Variants in RGN observed in about 807,000 individuals in gnomAD.
RGN encodes epididymis secretory protein Li 41.
Under a neutral mutation model 20.6 loss-of-function variants are expected in RGN, and 19 were observed. The ratio of observed to expected loss-of-function variants is 0.92; its 90% CI spans 0.64 to 1.35. The LOEUF is 1.35. RGN is among the 40% of genes most tolerant of loss of function. RGN has a pLI of 0.00. For missense variants in RGN, 302 were observed against 232.7 expected, an observed-to-expected ratio of 1.30 and a Z score of -1.94; for synonymous variants, 85 against 87.2, an observed-to-expected ratio of 0.97 and a Z score of 0.14.
intron 3 of RGN, among the ~76,000 whole-genome samples, chrX:47,081,606 G>C: frequency 1.8e-5 from 2 of 109,820 alleles, no homozygotes; most frequent in Non-Finnish European, 3.8e-5. Flanking sequence ...GGAGTGCCAT[G>C]GTGTGATCAC....
At chrX:47,089,528 ACT>A (rs1930806753) in intron 4 of RGN, among the ~76,000 whole-genome samples, 1 of 37,634 alleles carries the variant, frequency 2.7e-5, no homozygotes, top group Non-Finnish European at 4.8e-5. Context: ...TATTATATAT[ACT>A]CATATATATA....
chrX:47,089,596 T>C lies in RGN; in HGVS notation c.347-180T>C, dbSNP rs781823551. Among the ~76,000 whole-genome samples the C allele has an allele frequency of 5.9e-3, 228 of 38,871 alleles. 1 individual carries two copies. Among genetic ancestry groups the C allele is most frequent in the South Asian group, 0.024 (19 of 777 alleles). 33.8% of individuals were successfully genotyped at this position (38,871 alleles called of 115,157 possible). A position where few individuals can be genotyped will look rare whatever the true frequency, so the allele number is the denominator to read the frequency against. On this transcript the variant is annotated intron_variant, in intron 4 of 7. Transcript: ENST00000397180. ...TATATACTTTATATATATATATATA[T>C]ATACACACACACACACACACACACA...
intron 4 of RGN, among the ~76,000 whole-genome samples, chrX:47,088,165 G>T (rs1556385059): frequency 9.4e-6 from 1 of 106,043 alleles, no homozygotes; most frequent in Non-Finnish European, 1.9e-5. Flanking sequence ...GAAAAAGGTG[G>T]GGTTATCTTA....
At chrX:47,083,208 T>C (rs890368643) in intron 3 of RGN, among the ~76,000 whole-genome samples, 2 of 110,688 alleles carry the variant, frequency 1.8e-5, no homozygotes, top group Non-Finnish European at 3.8e-5. Context: ...AAGACCAGCC[T>C]GACCATCATG....
chrX:47,087,791 A>G (rs1930660301), intron 4 of RGN, among the ~76,000 whole-genome samples: 1 of 104,621 alleles, frequency 9.6e-6, no homozygotes. Flanking sequence ...TACCAATACT[A>G]TAATATTATA....
chrX:47,090,912 G>GA (rs782556116), intron 5 of RGN, among the ~76,000 whole-genome samples: 8,884 of 30,846 alleles, frequency 0.29, 1,935 homozygotes, highest in South Asian at 0.44. Flanking sequence ...AAAGAAAGAA[G>GA]AAGGAAAGAA....
At chrX:47,083,099 T>TAA (rs200393075) in intron 3 of RGN, among the ~76,000 whole-genome samples, 1 of 109,834 alleles carries the variant, frequency 9.1e-6, no homozygotes, top group Admixed American at 9.8e-5. Flanking sequence ...AAAATAAATT[T>TAA]AAAAAAAAAG....
intron 5 of RGN, 102 bp downstream of exon 5, chrX:47,090,093 C>G: frequency 3.8e-6 from 2 of 527,305 alleles, no homozygotes; most frequent in Non-Finnish European, 6.1e-6. Context: ...GAAGTCTTCA[C>G]TTAAATGGAG....
intron 3 of RGN, among the ~76,000 whole-genome samples, chrX:47,083,191 G>C (rs1556382245): frequency 9.0e-6 from 1 of 110,908 alleles, no homozygotes; most frequent in East Asian, 2.8e-4. Context: ...CTTGAGGCCA[G>C]GAGTTCAAGA....
At chrX:47,085,550 A>T (rs782730535) in intron 4 of RGN, among the ~76,000 whole-genome samples, 1 of 111,235 alleles carries the variant, frequency 9.0e-6, no homozygotes, top group African/African-American at 3.3e-5. Context: ...CAACACTTGT[A>T]TACCTTTTAC....
chrX:47,092,302 A>G lies in RGN; in HGVS notation c.849+87A>G, dbSNP rs1183317280. On this transcript the variant is annotated intron_variant, in intron 7 of 7. Coordinates refer to ENST00000397180, the MANE Select transcript of RGN (RefSeq NM_152869.4). ...AACTGAGTGATTGGTACTTTTGCAT[A>G]CTTCCAAAGCATAATCCTATTTAGC... is the stretch of plus-strand genomic sequence containing the variant. 5 of 799,179 alleles carry G rather than the reference A, an allele frequency of 6.3e-6. No homozygotes were observed. In the Admixed American group the frequency reaches 1.1e-4, roughly 17 times the overall value. The allele number at this position is 799,179 out of a possible 1,213,427, so 65.9% of individuals were successfully genotyped here.
chrX:47,081,250 G>A lies in RGN; in HGVS notation c.106G>A (p.Ala36Thr). Residue 36 changes from alanine to threonine, a missense_variant, in exon 3 of 8, where the codon GCA (alanine) becomes ACA (threonine). Transcript: ENST00000397180. Reference sequence around the variant, plus strand: ...CTCTCTGCTCTTTGTAGACATTCCTGCAAAAAAGGTTTGCCGGTGGGATTC... The same window carrying A: ...CTCTCTGCTCTTTGTAGACATTCCTACAAAAAAGGTTTGCCGGTGGGATTC... ...SNSLLFVDIP[A>T]KKVCRWDSFT... is the part of the protein sequence containing the mutation. 5.0e-6 allele frequency: 6 copies of A among 1,209,979 alleles called. No homozygotes were observed. Among genetic ancestry groups the A allele is most frequent in the Non-Finnish European group, 6.7e-6 (6 of 894,173 alleles).
chrX:47,091,135 G>C (rs1431926384), intron 5 of RGN, among the ~76,000 whole-genome samples: 1 of 110,676 alleles, frequency 9.0e-6, no homozygotes, highest in African/African-American at 3.3e-5. Flanking sequence ...GTATACCACG[G>C]TTACCCCCCT....
At chrX:47,083,750 A>G (rs1301282769) in intron 3 of RGN, among the ~76,000 whole-genome samples, 1 of 110,788 alleles carries the variant, frequency 9.0e-6, no homozygotes, top group African/African-American at 3.3e-5. Context: ...ATCTCTACTA[A>G]AAATACAAAT....
intron 1 of RGN, among the ~76,000 whole-genome samples, 174 bp downstream of exon 1, chrX:47,078,883 A>T (rs1005372160): frequency 1.1e-4 from 12 of 106,982 alleles, no homozygotes; most frequent in Non-Finnish European, 2.1e-4. Context: ...AAGTCGTGCC[A>T]CTGCTCTTGA....
chrX:47,089,291 G>C (rs1445884936), intron 4 of RGN, among the ~76,000 whole-genome samples: 1 of 90,444 alleles, frequency 1.1e-5, no homozygotes, highest in African/African-American at 4.1e-5. Flanking sequence ...TCTTGAACCA[G>C]AACTTCTAGG....
intron 4 of RGN, among the ~76,000 whole-genome samples, chrX:47,089,389 TAATATAATATAA>T (rs1930776419): frequency 6.5e-3 from 1 of 153 alleles, no homozygotes; most frequent in Admixed American, 0.1. Context: ...TATATAATTA[TAATATAATATAA>T]TATATAATCA....
intron 5 of RGN, among the ~76,000 whole-genome samples, chrX:47,090,915 GGAAA>G (rs1167092040): frequency 0.073 from 3,782 of 51,854 alleles, 362 homozygotes; most frequent in Middle Eastern, 0.093. Flanking sequence ...GAAAGAAGAA[GGAAA>G]GAAAGAAAGA....
At chrX:47,085,442 G>C (rs1196830905) in intron 4 of RGN, among the ~76,000 whole-genome samples, 2 of 110,188 alleles carry the variant, frequency 1.8e-5, no homozygotes, top group Admixed American at 1.9e-4. Context: ...GCATGCACCT[G>C]GGAGGTGGAG....
Sources: allele counts gnomAD v4.1 joint callset (sites outside exome capture counted in the v4.1 genomes callset), GRCh38; gene constraint gnomAD v4.1.1; transcripts MANE v1.5; gene names NCBI Gene and HGNC (gene_info 2026-07-23, HGNC 2026-07-21).